The following HSD11B1 variants were observed in gnomAD, a reference collection of about 807,000 sequenced individuals.
HSD11B1 encodes the protein hydroxysteroid 11-beta dehydrogenase 1.
In HSD11B1, 15 loss-of-function variants were observed where a neutral mutation model predicts 22.1. The ratio of observed to expected loss-of-function variants is 0.68; its 90% CI spans 0.45 to 1.04. The LOEUF (loss-of-function observed/expected upper bound fraction) is 1.04. Ranked by LOEUF, HSD11B1 falls within the 50% of genes least tolerant of loss-of-function variation. The pLI, the probability that HSD11B1 is intolerant of heterozygous loss-of-function variation, is 0.00. For synonymous variants in HSD11B1, 122 were observed against 125.2 expected, an observed-to-expected ratio of 0.97 and a Z score of 0.17; for missense variants, 281 against 357.6, an observed-to-expected ratio of 0.79 and a Z score of 1.73.
intron 4 of HSD11B1, among the ~76,000 whole-genome samples, chr1:209,727,907 C>T (rs2077013571): frequency 6.6e-6 from 1 of 152,158 alleles, no homozygotes; most frequent in Non-Finnish European, 1.5e-5. Flanking sequence ...ATTCAAAATC[C>T]AACAGCAGCA....
At chr1:209,722,414 C>T (rs181999351) in intron 4 of HSD11B1, among the ~76,000 whole-genome samples, 26 of 152,296 alleles carry the variant, frequency 1.7e-4, no homozygotes, top group Admixed American at 1.3e-3. Flanking sequence ...ATTCTCCAAC[C>T]TTAATTGTTG....
At chr1:209,697,050 A>C (rs1173141752) in intron 1 of HSD11B1, among the ~76,000 whole-genome samples, 1 of 152,246 alleles carries the variant, frequency 6.6e-6, no homozygotes, top group African/African-American at 2.4e-5. Flanking sequence ...CAGAGGGCAA[A>C]GCCTTCATGA....
At position 209,706,587 on chromosome 1, in the gene HSD11B1, T is replaced by G; in HGVS notation, c.220-122T>G. The G allele has an allele frequency of 1.3e-6, 1 of 774,268 alleles. No homozygotes were observed. The highest frequency in any genetic ancestry group is 2.4e-6 in the Non-Finnish European group (1 of 422,474). 48.0% of individuals were successfully genotyped at this position (774,268 alleles called of 1,614,324 possible). On this transcript the variant is annotated intron_variant, in intron 2 of 5. Transcript: ENST00000367027. The surrounding 1 kb of genome is among the most constrained non-coding windows in gnomAD (Gnocchi z 4.0). The stretch of plus-strand genomic sequence containing the variant: ...TTAGGCAACACACACACAAACATAC[T>G]TACCATTTCTTACCTAAACAGGGCT...
chr1:209,688,672 G>T (rs530149783), intron 1 of HSD11B1, among the ~76,000 whole-genome samples: 35 of 152,252 alleles, frequency 2.3e-4, no homozygotes, highest in Middle Eastern at 6.8e-3. Context: ...ACTACTATAA[G>T]CTTCCTCTCC....
upstream of HSD11B1, among the ~76,000 whole-genome samples, chr1:209,704,596 C>A (rs535847837): frequency 9.9e-5 from 15 of 152,060 alleles, no homozygotes; most frequent in African/African-American, 2.7e-4. Flanking sequence ...TGATCCCTGG[C>A]GTAAATGGTG....
At chr1:209,719,018 T>TAAAAAAAA in intron 4 of HSD11B1, among the ~76,000 whole-genome samples, 1 of 2,646 alleles carries the variant, frequency 3.8e-4, no homozygotes. Context: ...AGACTCCATC[T>TAAAAAAAA]CAAAAAAAAA....
intron 1 of HSD11B1, among the ~76,000 whole-genome samples, chr1:209,688,589 A>G (rs565488516): frequency 6.6e-6 from 1 of 152,328 alleles, no homozygotes; most frequent in African/African-American, 2.4e-5. Context: ...TTCTTCGAAT[A>G]AAACCATGCA....
Position 209,704,939 on chromosome 1 carries a change from T to C in HSD11B1, c.-4T>C. 6.2e-7 allele frequency: 1 copy of C among 1,613,132 alleles called. No homozygotes were observed. Among genetic ancestry groups the C allele is most frequent in the Non-Finnish European group, 8.5e-7 (1 of 1,179,194 alleles). On this transcript the variant is annotated 5_prime_UTR_variant, in exon 1 of 6. Transcript: ENST00000367027. The stretch of plus-strand genomic sequence containing the variant: ...CAGGAGTCTTCAGGCCAGCTCCCTG[T>C]CGGATGGCTTTTATGAAAAAATATC...
chr1:209,731,770 G>T (rs939905894), intron 4 of HSD11B1, among the ~76,000 whole-genome samples: 13 of 152,046 alleles, frequency 8.6e-5, no homozygotes, highest in African/African-American at 3.1e-4. Context: ...GCTGCAGTGC[G>T]GTGGCGCGAT....
chr1:209,700,180 C>T (rs555375019), upstream of HSD11B1, among the ~76,000 whole-genome samples: 1 of 152,374 alleles, frequency 6.6e-6, no homozygotes, highest in South Asian at 2.1e-4. Flanking sequence ...GGGTCTCCAA[C>T]CCGACATTTC....
At chr1:209,703,903 T>C (rs1480434987), upstream of HSD11B1, among the ~76,000 whole-genome samples, 1 of 152,258 alleles carries the variant, frequency 6.6e-6, no homozygotes, top group East Asian at 1.9e-4. Context: ...GGATTATTCC[T>C]TAATGAATTC....
chr1:209,729,071 C>A (rs9430013), intron 4 of HSD11B1, among the ~76,000 whole-genome samples: 138,960 of 152,220 alleles, frequency 0.91, 63,634 homozygotes, highest in East Asian at 1. Context: ...AATAAGTTAG[C>A]ATTTAGGCCA....
At chr1:209,689,555 G>A (rs2076747056) in intron 1 of HSD11B1, among the ~76,000 whole-genome samples, 2 of 152,154 alleles carry the variant, frequency 1.3e-5, no homozygotes, top group South Asian at 4.1e-4. Context: ...TGAGTCGTGG[G>A]GGTGAATCCC....
intron 4 of HSD11B1, among the ~76,000 whole-genome samples, chr1:209,716,474 T>A (rs1558194594): frequency 2.0e-5 from 3 of 151,994 alleles, no homozygotes; most frequent in African/African-American, 7.2e-5. Context: ...TTAGAATAAT[T>A]AATGTTGTTA....
At chr1:209,691,280 C>T (rs1338613672) in intron 1 of HSD11B1, among the ~76,000 whole-genome samples, 1 of 152,222 alleles carries the variant, frequency 6.6e-6, no homozygotes, top group Non-Finnish European at 1.5e-5. Flanking sequence ...AGAACTGTCA[C>T]ACTGTCCTTT....
intron 1 of HSD11B1, among the ~76,000 whole-genome samples, chr1:209,687,039 C>G (rs954140762): frequency 6.6e-6 from 1 of 152,178 alleles, no homozygotes; most frequent in East Asian, 1.9e-4. Context: ...AAGGGAAATA[C>G]CATTCCCCAC....
chr1:209,713,811 C>T (rs997352805), intron 4 of HSD11B1, among the ~76,000 whole-genome samples: 4 of 152,162 alleles, frequency 2.6e-5, no homozygotes, highest in Non-Finnish European at 4.4e-5. Flanking sequence ...GTGTTCAATA[C>T]AGACACAAAA....
intron 4 of HSD11B1, among the ~76,000 whole-genome samples, chr1:209,730,124 G>A (rs1417581143): frequency 1.3e-5 from 2 of 152,092 alleles, no homozygotes; most frequent in South Asian, 4.1e-4. Context: ...GGAAGTTCTA[G>A]CCAGAGCAAT....
Position 209,697,884 on chromosome 1 carries a change from CTTTTTTTTTTTT to C in HSD11B1, c.-48-6992_-48-6981del, listed in dbSNP as rs988076432. Among the ~76,000 whole-genome samples the C allele has an allele frequency of 3.1e-3, 128 of 41,610 alleles. 2 individuals are homozygous for C. Among genetic ancestry groups the C allele is most frequent in the African/African-American group, 8.6e-3 (108 of 12,564 alleles). 27.3% of individuals were successfully genotyped at this position (41,610 alleles called of 152,430 possible). A position where few individuals can be genotyped will look rare whatever the true frequency, so the allele number is the denominator to read the frequency against. The stretch of plus-strand genomic sequence containing the variant: ...GAATGATTAATGGTTTTGTTTTTTC[CTTTTTTTTTTTT>C]TTTTTTTTTTTTTTTTTTGAGATGA... On this transcript the variant is annotated intron_variant, in intron 1 of 6. Transcript: ENST00000261465.
Sources: allele counts gnomAD v4.1 joint callset (sites outside exome capture counted in the v4.1 genomes callset), GRCh38; gene constraint gnomAD v4.1.1; non-coding constraint Gnocchi (gnomAD v3.1); transcripts MANE v1.5; gene names NCBI Gene and HGNC (gene_info 2026-07-23, HGNC 2026-07-21).